Variants in MCTP1 observed in about 807,000 individuals in gnomAD.
The protein encoded by MCTP1 is multiple C2 and transmembrane domain containing 1, also known as multiple C2 and transmembrane domain-containing protein 1.
Under a neutral mutation model 120.6 loss-of-function variants are expected in MCTP1, and 69 were observed. The ratio of observed to expected loss-of-function variants is 0.57; its 90% CI spans 0.47 to 0.70. The LOEUF is 0.70. MCTP1 is among the 30% of genes least tolerant of loss of function. The pLI is 0.00. For missense variants in MCTP1, 1,203 were observed against 1,248.8 expected (o/e 0.96, Z 0.55); for synonymous variants, 529 against 493.1 (o/e 1.07, Z -0.96).
chr5:94,924,419 G>A (rs553635389), intron 6 of MCTP1, among the ~76,000 whole-genome samples: 1 of 152,194 alleles, frequency 6.6e-6, no homozygotes, highest in South Asian at 2.1e-4. Flanking sequence ...AAGAATGATT[G>A]CAGAAGTCTT....
Position 95,112,404 on chromosome 5 carries a change from ATAT to A in MCTP1, c.721-94923_721-94921del, listed in dbSNP as rs541193200. Among the ~76,000 whole-genome samples the A allele has an allele frequency of 3.3e-3, 495 of 152,294 alleles. 11 individuals carry two copies. The South Asian group carries it at 0.049, about 15-fold the overall frequency. ...CATGCAGTGACATTTGAAAGCCAGA[ATAT>A]TATATTTTTTAAACGTTAGCTATTT... is the stretch of plus-strand genomic sequence containing the variant. On this transcript the variant is annotated intron_variant, in intron 1 of 22. Transcript: ENST00000515393.
At chr5:95,100,051 C>T (rs1380893363) in intron 1 of MCTP1, among the ~76,000 whole-genome samples, 1 of 149,872 alleles carries the variant, frequency 6.7e-6, no homozygotes, top group East Asian at 2.0e-4. Context: ...CATATTCTCA[C>T]TCATAGGTGG....
chr5:94,766,454 A>C (rs1486061756), intron 19 of MCTP1, among the ~76,000 whole-genome samples: 4 of 27,402 alleles, frequency 1.5e-4, no homozygotes, highest in Admixed American at 3.9e-4. Context: ...GTTCTCACTC[A>C]TAGGTGGGAA....
chr5:95,257,239 G>C (rs982306204), intron 1 of MCTP1, among the ~76,000 whole-genome samples: 5 of 152,196 alleles, frequency 3.3e-5, no homozygotes, highest in African/African-American at 1.2e-4. Flanking sequence ...TCAATTCCTT[G>C]TGTATATGAT....
chr5:95,042,300 T>C (rs757583452), intron 1 of MCTP1, among the ~76,000 whole-genome samples: 7 of 152,152 alleles, frequency 4.6e-5, no homozygotes, highest in Non-Finnish European at 8.8e-5. Context: ...AGTACACACT[T>C]TAAAGAGGGT....
At chr5:94,814,216 T>C (rs528477465) in intron 17 of MCTP1, among the ~76,000 whole-genome samples, 4 of 152,150 alleles carry the variant, frequency 2.6e-5, no homozygotes, top group Non-Finnish European at 5.9e-5. Flanking sequence ...AAATAAAAAG[T>C]GCTAAAAATA....
intron 17 of MCTP1, among the ~76,000 whole-genome samples, chr5:94,828,058 CA>C (rs1335177415): frequency 6.6e-6 from 1 of 152,126 alleles, no homozygotes; most frequent in Non-Finnish European, 1.5e-5. Context: ...TTGGAATTTT[CA>C]GCCTTTTTGC....
At chr5:94,842,924 G>T (rs1185589689) in intron 17 of MCTP1, among the ~76,000 whole-genome samples, 1 of 151,878 alleles carries the variant, frequency 6.6e-6, no homozygotes, top group Non-Finnish European at 1.5e-5. Context: ...GATTTCAGGG[G>T]ACAGAGTATT....
At position 95,283,793 on chromosome 5, in the gene MCTP1, A is replaced by T. The variant is rs1411057385; in HGVS notation, c.720+63T>A. Reference sequence around the variant, plus strand: ...CCCGCCCCCCGCTCCCCGGGTGGTGAACGCCTGAAGAGGGAGGCGTGGTCC... The same window carrying T: ...CCCGCCCCCCGCTCCCCGGGTGGTGTACGCCTGAAGAGGGAGGCGTGGTCC... On this transcript the variant is annotated intron_variant, in intron 1 of 22. Coordinates refer to ENST00000515393, the MANE Select transcript of MCTP1 (RefSeq NM_024717.7). 3 of 1,244,848 alleles carry T rather than the reference A, an allele frequency of 2.4e-6. No individual in the cohort carries two copies. The African/African-American group carries it at 4.7e-5, about 19-fold the overall frequency. 77.1% of individuals were successfully genotyped at this position (1,244,848 alleles called of 1,614,324 possible).
intron 17 of MCTP1, 70 bp downstream of exon 17, chr5:94,868,263 C>G: frequency 7.1e-7 from 1 of 1,411,480 alleles, no homozygotes; most frequent in Non-Finnish European, 9.4e-7. Context: ...GTTACTATAG[C>G]CACAGAAACA....
chr5:95,178,376 GTC>G (rs979059954), intron 1 of MCTP1, among the ~76,000 whole-genome samples: 1 of 152,226 alleles, frequency 6.6e-6, no homozygotes, highest in African/African-American at 2.4e-5. Flanking sequence ...ATGAGACAGA[GTC>G]TTGCTCTGTC....
intron 1 of MCTP1, among the ~76,000 whole-genome samples, chr5:95,153,121 G>A (rs1744718579): frequency 6.6e-6 from 1 of 152,162 alleles, no homozygotes; most frequent in African/African-American, 2.4e-5. Flanking sequence ...ATCCCCACGT[G>A]TTGATGGAGG....
rs116534486 is a variant in MCTP1, at chr5:94,843,141, C to G, written c.2436+25192G>C. 3.0e-3 allele frequency among the ~76,000 whole-genome samples: 457 copies of G among 151,562 alleles called. 4 individuals carry two copies. Among genetic ancestry groups the G allele is most frequent in the African/African-American group, 0.011 (443 of 41,304 alleles). ...AAGATAAAATTTAACAAAAATTCATCGACATTGACAATTTGCTATACATAC... is the reference window on the plus strand; with the variant it reads ...AAGATAAAATTTAACAAAAATTCATGGACATTGACAATTTGCTATACATAC... On this transcript the variant is annotated intron_variant, in intron 17 of 22. Transcript: ENST00000515393.
chr5:94,946,678 A>G (rs1430134462), intron 3 of MCTP1, among the ~76,000 whole-genome samples: 1 of 152,072 alleles, frequency 6.6e-6, no homozygotes, highest in East Asian at 1.9e-4. Flanking sequence ...GACTTTCAGG[A>G]TTTCTAATTC....
chr5:94,919,041 A>G (rs1215988223), intron 7 of MCTP1, among the ~76,000 whole-genome samples: 1 of 152,164 alleles, frequency 6.6e-6, no homozygotes, highest in Non-Finnish European at 1.5e-5. Flanking sequence ...ACAACAAAAG[A>G]AATTAATTGG....
At chr5:95,019,814 G>A (rs566148181) in intron 1 of MCTP1, among the ~76,000 whole-genome samples, 13 of 152,104 alleles carry the variant, frequency 8.5e-5, no homozygotes, top group African/African-American at 2.4e-4. Context: ...GGACAAGAGC[G>A]TGACAGCTGT....
chr5:94,844,936 T>C (rs1791985575), intron 17 of MCTP1, among the ~76,000 whole-genome samples: 1 of 152,224 alleles, frequency 6.6e-6, no homozygotes, highest in Middle Eastern at 3.4e-3. Flanking sequence ...GACTTCACAT[T>C]AGAATAACCT....
intron 1 of MCTP1, among the ~76,000 whole-genome samples, chr5:95,218,258 G>A (rs559493732): frequency 2.6e-5 from 4 of 152,350 alleles, no homozygotes; most frequent in African/African-American, 4.8e-5. Flanking sequence ...GAAAAGATCC[G>A]TGTTCAATGG....
rs1403603988 is a variant in MCTP1, at chr5:95,068,774, T to C, written c.721-51290A>G. On this transcript the variant is annotated intron_variant, in intron 1 of 22. Coordinates refer to ENST00000515393, the MANE Select transcript of MCTP1 (RefSeq NM_024717.7). ...ACACACTTTGTCAGTCATTTCCACT[T>C]TGAAACTTACGTTTACTGCATTTAG... The C allele has an allele frequency of 3.9e-6, 5 of 1,271,908 alleles. No homozygotes were observed. The South Asian group carries it at 5.2e-5, about 13-fold the overall frequency. The allele number at this position is 1,271,908 out of a possible 1,614,324, so 78.8% of individuals were successfully genotyped here.
Sources: gnomAD v4.1 joint callset for allele counts (sites outside exome capture counted in the v4.1 genomes callset) on GRCh38, gnomAD v4.1.1 for gene constraint, MANE v1.5 for transcripts, NCBI Gene and HGNC (gene_info 2026-07-23, HGNC 2026-07-21) for gene names.